C12orf54: variants seen among roughly 807,000 people sequenced by gnomAD.
C12orf54 encodes the protein uncharacterized protein C12orf54.
A neutral mutation model predicts 26.4 loss-of-function variants in C12orf54; 24 were observed. That is an observed-to-expected ratio of 0.91 (90% CI 0.66 to 1.28). The LOEUF (loss-of-function observed/expected upper bound fraction) is 1.28, where lower values mean the gene tolerates loss of function less well. Among genes scored for constraint, C12orf54 ranks in the 50% most tolerant of loss-of-function variants. The pLI is 0.00. For missense variants in C12orf54, 154 were observed against 150.9 expected, an observed-to-expected ratio of 1.02 and a Z score of -0.11; for synonymous variants, 54 against 47.0, an observed-to-expected ratio of 1.15 and a Z score of -0.61.
At chr12:48,474,714 GTTAGTT>G in the C12orf54 span, among the ~76,000 whole-genome samples, 1 of 152,262 alleles carries the variant, frequency 6.6e-6, no homozygotes, top group African/African-American at 2.4e-5. Flanking sequence ...CCATTGCCAA[GTTAGTT>G]GTTTGATTAG....
the C12orf54 span, chr12:48,473,294 G>A: frequency 1.4e-5 from 16 of 1,115,562 alleles, 1 homozygote; most frequent in East Asian, 3.0e-4. Context: ...AGGAGGAGAA[G>A]GATGAAGGTT....
chr12:48,479,031 A>T (rs989357519), upstream of C12orf54, among the ~76,000 whole-genome samples: 3 of 152,168 alleles, frequency 2.0e-5, no homozygotes, highest in Non-Finnish European at 2.9e-5. Context: ...CAAAGGATTA[A>T]AAATCATGCT....
chr12:48,447,206 CTT>C, the C12orf54 span, among the ~76,000 whole-genome samples: 7 of 117,738 alleles, frequency 5.9e-5, no homozygotes, highest in African/African-American at 2.4e-4. Flanking sequence ...CTCTCTCTCT[CTT>C]ACTCTGTGTG....
intron 2 of C12orf54, among the ~76,000 whole-genome samples, chr12:48,485,323 TCTCA>T (rs1321312982): frequency 6.6e-6 from 1 of 152,064 alleles, no homozygotes; most frequent in African/African-American, 2.4e-5. Context: ...AGAGACAAGG[TCTCA>T]CTATGTTGCC....
chr12:48,448,832 T>C, the C12orf54 span, among the ~76,000 whole-genome samples: 3 of 152,212 alleles, frequency 2.0e-5, no homozygotes, highest in Non-Finnish European at 4.4e-5. Context: ...CCATGGCCCA[T>C]GACACAGCCC....
At chr12:48,462,693 C>A in the C12orf54 span, among the ~76,000 whole-genome samples, 1 of 151,628 alleles carries the variant, frequency 6.6e-6, no homozygotes, top group East Asian at 1.9e-4. Flanking sequence ...TCCCAATGAG[C>A]AAATTTTGGC....
chr12:48,473,223 G>A, the C12orf54 span: 1 of 1,201,816 alleles, frequency 8.3e-7, no homozygotes, highest in Non-Finnish European at 1.2e-6. Flanking sequence ...TCAGGTAATG[G>A]AAGATGAGGA....
At chr12:48,441,712 T>C in the C12orf54 span, among the ~76,000 whole-genome samples, 1 of 152,208 alleles carries the variant, frequency 6.6e-6, no homozygotes, top group Admixed American at 6.5e-5. Flanking sequence ...CCATACTGTG[T>C]ATAATAAATA....
intron 5 of C12orf54, 60 bp from the exon 6 acceptor site, chr12:48,490,752 G>C (rs2731102): frequency 0.46 from 732,743 of 1,587,046 alleles, 174,749 homozygotes; most frequent in East Asian, 0.79. Context: ...AGCTAATACA[G>C]TGCAGGTCTG....
At chr12:48,494,718 G>A in intron 7 of C12orf54, 80 bp from the exon 8 acceptor site, 2 of 1,442,324 alleles carry the variant, frequency 1.4e-6, no homozygotes, top group Non-Finnish European at 1.9e-6. Context: ...GAATCTCTAA[G>A]GGCAGTGGAG....
chr12:48,450,911 G>A, the C12orf54 span, among the ~76,000 whole-genome samples: 1 of 152,086 alleles, frequency 6.6e-6, no homozygotes, highest in African/African-American at 2.4e-5. Flanking sequence ...AAGAAGGGCT[G>A]GCACCATTCC....
chr12:48,432,850 C>T, the C12orf54 span, among the ~76,000 whole-genome samples: 1 of 137,376 alleles, frequency 7.3e-6, no homozygotes, highest in South Asian at 2.3e-4. Context: ...GCCTGGGCAA[C>T]AAGAGTGAAA....
At chr12:48,448,027 A>G in the C12orf54 span, among the ~76,000 whole-genome samples, 1 of 152,168 alleles carries the variant, frequency 6.6e-6, no homozygotes, top group Admixed American at 6.5e-5. Flanking sequence ...GCTAGCAAAA[A>G]AAACAGAGAC....
At chr12:48,465,037 C>G in the C12orf54 span, among the ~76,000 whole-genome samples, 3 of 152,080 alleles carry the variant, frequency 2.0e-5, no homozygotes, top group Admixed American at 6.6e-5. Context: ...ATGCCAAAAG[C>G]AATTGCAATC....
chr12:48,433,726 T>C, the C12orf54 span, among the ~76,000 whole-genome samples: 1 of 152,128 alleles, frequency 6.6e-6, no homozygotes, highest in Non-Finnish European at 1.5e-5. Context: ...GAATTACAGG[T>C]GTGAGCCACC....
the C12orf54 span, among the ~76,000 whole-genome samples, chr12:48,469,668 G>A: frequency 2.0e-5 from 3 of 152,200 alleles, no homozygotes; most frequent in Non-Finnish European, 4.4e-5. Context: ...TTGGGGAAGT[G>A]ATAAGTGTCC....
the C12orf54 span, among the ~76,000 whole-genome samples, chr12:48,445,242 G>A: frequency 6.6e-6 from 1 of 151,942 alleles, no homozygotes; most frequent in Admixed American, 6.6e-5. Context: ...GAAGAGAATA[G>A]TCTAGGGCTT....
chr12:48,479,269 A>G (rs1468781295), upstream of C12orf54, among the ~76,000 whole-genome samples: 1 of 152,146 alleles, frequency 6.6e-6, no homozygotes, highest in Admixed American at 6.6e-5. Context: ...AGGACAAAAA[A>G]CCAAACACCG....
At chr12:48,426,614 A>G in the C12orf54 span, among the ~76,000 whole-genome samples, 2 of 151,958 alleles carry the variant, frequency 1.3e-5, no homozygotes, top group African/African-American at 4.8e-5. Context: ...TTCTAGTTCT[A>G]TAAAAAATGT....
Sources: gnomAD v4.1 joint callset for allele counts (sites outside exome capture counted in the v4.1 genomes callset) on GRCh38, gnomAD v4.1.1 for gene constraint, MANE v1.5 for transcripts, NCBI Gene and HGNC (gene_info 2026-07-23, HGNC 2026-07-21) for gene names.